Variants in SGPL1 observed in about 807,000 individuals in gnomAD.
SGPL1 encodes the protein SP-lyase 1.
In SGPL1, 37 loss-of-function variants were observed where a neutral mutation model predicts 68.9. The observed-to-expected ratio is 0.54, with a 90% confidence interval of 0.41 to 0.71. The LOEUF is 0.71. SGPL1 is among the 30% of genes least tolerant of loss of function. The probability of loss-of-function intolerance (pLI) is 0.00; values close to 1 mark genes in which losing one functional copy is unlikely to be tolerated. For missense variants in SGPL1, 551 were observed against 704.6 expected, an observed-to-expected ratio of 0.78 and a Z score of 2.47; for synonymous variants, 236 against 248.5, an observed-to-expected ratio of 0.95 and a Z score of 0.47.
At chr10:70,851,501 A>G (rs1203760157) in intron 4 of SGPL1, among the ~76,000 whole-genome samples, 2 of 152,060 alleles carry the variant, frequency 1.3e-5, no homozygotes, top group South Asian at 4.2e-4. Flanking sequence ...GGAAATGTCA[A>G]AATGGCCAAG....
At chr10:70,872,554 T>C (rs1172466311) in intron 11 of SGPL1, among the ~76,000 whole-genome samples, 1 of 152,236 alleles carries the variant, frequency 6.6e-6, no homozygotes, top group Non-Finnish European at 1.5e-5. Context: ...CTATTGAATA[T>C]ACATCCAGAT....
chr10:70,869,504 C>T (rs555965802), intron 8 of SGPL1: 19 of 226,866 alleles, frequency 8.4e-5, no homozygotes, highest in South Asian at 4.5e-4. Flanking sequence ...CCCAGCTTTC[C>T]GCCTGCCAGC....
intron 2 of SGPL1, among the ~76,000 whole-genome samples, chr10:70,840,132 A>G (rs1271533879): frequency 6.6e-6 from 1 of 152,078 alleles, no homozygotes; most frequent in East Asian, 1.9e-4. Flanking sequence ...AACTCTTGGG[A>G]TGCTGCTGGA....
chr10:70,818,471 A>G (rs1845279927), intron 2 of SGPL1, among the ~76,000 whole-genome samples: 1 of 152,232 alleles, frequency 6.6e-6, no homozygotes, highest in Non-Finnish European at 1.5e-5. Flanking sequence ...GTGCAAAATC[A>G]GTGCTTTAAA....
intron 2 of SGPL1, among the ~76,000 whole-genome samples, chr10:70,827,294 A>C (rs1312280719): frequency 6.6e-6 from 1 of 152,238 alleles, no homozygotes; most frequent in Non-Finnish European, 1.5e-5. Context: ...TTCAATGTTT[A>C]CCAACCACTT....
chr10:70,861,844 G>T (rs527924665), intron 7 of SGPL1, among the ~76,000 whole-genome samples: 1 of 152,222 alleles, frequency 6.6e-6, no homozygotes, highest in Admixed American at 6.5e-5. Flanking sequence ...CCGGCACTGC[G>T]CTCGATTTCT....
At position 70,873,410 on chromosome 10, in the gene SGPL1, C is replaced by G. The variant is rs757146806; in HGVS notation, c.1119C>G (p.Asn373Lys). The G allele has an allele frequency of 6.8e-6, 11 of 1,614,272 alleles. No individual in the cohort carries two copies. The South Asian group carries it at 1.1e-4, about 16-fold the overall frequency. Reference sequence around the variant, plus strand: ...TGTATAGTGACAAGAAGTACAGGAACTATCAGTTCTTCGTCGATACAGATT... The same window carrying G: ...TGTATAGTGACAAGAAGTACAGGAAGTATCAGTTCTTCGTCGATACAGATT... ...LVLYSDKKYRNYQFFVDTDWQ... is the reference protein window; with the variant it reads ...LVLYSDKKYRKYQFFVDTDWQ... The change falls in exon 12 of 15, where the codon AAC becomes AAG. Residue 373 changes from asparagine to lysine, a missense_variant. By Grantham distance (94) the Asn-to-Lys change is moderately conservative (BLOSUM62 0). Coordinates refer to ENST00000373202, the MANE Select transcript of SGPL1 (RefSeq NM_003901.4).
At chr10:70,870,916 G>T in intron 9 of SGPL1, 132 bp from the exon 10 acceptor site, 1 of 693,862 alleles carries the variant, frequency 1.4e-6, no homozygotes, top group South Asian at 1.7e-5. Context: ...TCTTCTCCCA[G>T]TTGGAGTGGT....
chr10:70,832,018 A>G (rs1845547906), intron 2 of SGPL1, among the ~76,000 whole-genome samples: 1 of 152,184 alleles, frequency 6.6e-6, no homozygotes, highest in Non-Finnish European at 1.5e-5. Context: ...ATAATAGAAG[A>G]CTATAACAAG....
At chr10:70,860,457 T>G (rs1233992102) in intron 7 of SGPL1, 3 of 467,346 alleles carry the variant, frequency 6.4e-6, no homozygotes, top group Non-Finnish European at 1.3e-5. Context: ...TGTTCAAATA[T>G]TAGTAGTAAT....
chr10:70,841,897 A>C (rs1282016379), intron 2 of SGPL1, among the ~76,000 whole-genome samples: 1 of 152,060 alleles, frequency 6.6e-6, no homozygotes, highest in East Asian at 1.9e-4. Flanking sequence ...GTTAATACTG[A>C]TATTAACTGT....
chr10:70,839,796 C>A (rs965497624), intron 2 of SGPL1, among the ~76,000 whole-genome samples: 23 of 152,112 alleles, frequency 1.5e-4, no homozygotes, highest in Non-Finnish European at 2.4e-4. Flanking sequence ...CCATCTCTAT[C>A]TAGATCAGGG....
chr10:70,857,437 T>G, intron 5 of SGPL1, 177 bp from the exon 6 acceptor site: 2 of 539,392 alleles, frequency 3.7e-6, no homozygotes, highest in Non-Finnish European at 3.3e-6. Flanking sequence ...CATCTTTATT[T>G]TATTGTGCTA....
intron 2 of SGPL1, among the ~76,000 whole-genome samples, chr10:70,829,747 C>T (rs538738848): frequency 2.0e-5 from 3 of 152,294 alleles, no homozygotes; most frequent in Non-Finnish European, 2.9e-5. Flanking sequence ...CTTTCTAGGA[C>T]ACCACAGCTG....
At chr10:70,829,623 T>G (rs1235178049) in intron 2 of SGPL1, among the ~76,000 whole-genome samples, 1 of 152,212 alleles carries the variant, frequency 6.6e-6, no homozygotes, top group African/African-American at 2.4e-5. Context: ...ATGGCTTCTA[T>G]TTTTGCAGAT....
intron 3 of SGPL1, among the ~76,000 whole-genome samples, chr10:70,847,447 C>T (rs1378815091): frequency 6.6e-6 from 1 of 152,180 alleles, no homozygotes; most frequent in Admixed American, 6.5e-5. Flanking sequence ...CCATGCCCAG[C>T]TGAGTTATTT....
At chr10:70,846,672 G>A (rs193062465) in intron 3 of SGPL1, among the ~76,000 whole-genome samples, 1 of 152,180 alleles carries the variant, frequency 6.6e-6, no homozygotes. Context: ...TTCAAAGGTG[G>A]TACATTTATG....
intron 2 of SGPL1, among the ~76,000 whole-genome samples, chr10:70,834,680 C>G (rs1322015733): frequency 1.3e-5 from 2 of 152,202 alleles, no homozygotes; most frequent in African/African-American, 4.8e-5. Context: ...GTTAGGTCAT[C>G]TGGAAGTTCT....
At chr10:70,829,908 A>T (rs976569105) in intron 2 of SGPL1, among the ~76,000 whole-genome samples, 2 of 152,160 alleles carry the variant, frequency 1.3e-5, no homozygotes, top group Non-Finnish European at 2.9e-5. Context: ...ATAAAAAAAT[A>T]TTCTTTAAAA....
Sources: allele counts gnomAD v4.1 joint callset (sites outside exome capture counted in the v4.1 genomes callset), GRCh38; gene constraint gnomAD v4.1.1; transcripts MANE v1.5; gene names NCBI Gene and HGNC (gene_info 2026-07-23, HGNC 2026-07-21).